The following C14orf93 variants were observed in gnomAD, a reference collection of about 807,000 sequenced individuals.
The protein encoded by C14orf93 is chromosome 14 open reading frame 93, also known as uncharacterized protein C14orf93.
In C14orf93, 23 loss-of-function variants were observed where a neutral mutation model predicts 44.0. The ratio of observed to expected loss-of-function variants is 0.52; its 90% CI spans 0.38 to 0.74. The LOEUF is 0.74. C14orf93 is among the 30% of genes least tolerant of loss of function. The probability of loss-of-function intolerance (pLI) is 0.00; values close to 1 mark genes in which losing one functional copy is unlikely to be tolerated. For synonymous variants in C14orf93, 253 were observed against 265.7 expected (o/e 0.95, Z 0.46); for missense variants, 579 against 678.9 (o/e 0.85, Z 1.64).
chr14:22,992,187 T>G (rs1051078401), intron 3 of C14orf93, among the ~76,000 whole-genome samples: 9 of 151,754 alleles, frequency 5.9e-5, no homozygotes, highest in African/African-American at 2.2e-4. Flanking sequence ...TTTTGCCGGC[T>G]GGGCGTGGTG....
In C14orf93 at chr14:22,987,813, C is replaced by T; in HGVS notation, c.1197+90G>A. 2.4e-6 allele frequency: 3 copies of T among 1,269,648 alleles called. No homozygotes were observed. The highest frequency in any genetic ancestry group is 3.3e-6 in the Non-Finnish European group (3 of 895,592). The allele number at this position is 1,269,648 out of a possible 1,614,324, so 78.6% of individuals were successfully genotyped here. A position where few individuals can be genotyped will look rare whatever the true frequency, so the allele number is the denominator to read the frequency against. The stretch of plus-strand genomic sequence containing the variant: ...ATCTTCCTACATTCCTGGCTCTCAA[C>T]CCTATTCTCATATGCCATGTCCTCT... On this transcript the variant is annotated intron_variant, in intron 6 of 6. Transcript: ENST00000299088. The surrounding 1 kb of genome is among the most constrained non-coding windows in gnomAD (Gnocchi z 5.6).
intron 2 of C14orf93, chr14:22,998,007 C>T (rs1566684525): frequency 6.0e-6 from 1 of 166,020 alleles, no homozygotes; most frequent in Non-Finnish European, 1.3e-5. Flanking sequence ...CCACCTCTGC[C>T]TCTCTCCCCT....
intron 1 of C14orf93, among the ~76,000 whole-genome samples, chr14:23,002,475 G>A (rs2046363379): frequency 1.3e-5 from 2 of 151,410 alleles, no homozygotes; most frequent in African/African-American, 2.4e-5. Context: ...AAAAAATGAG[G>A]TTCTCCTCTG....
Position 22,987,526 on chromosome 14 carries a change from C to G in C14orf93, c.1306G>C (p.Glu436Gln). ...LMSDEEDSLN[E>Q]PGVWVARPPR... Reference sequence around the variant, plus strand: ...GGGCGGGCCACCCACACACCTGGCTCGTTAAGACTGTCCTCTTCATCTGAC... The same window carrying G: ...GGGCGGGCCACCCACACACCTGGCTGGTTAAGACTGTCCTCTTCATCTGAC... Residue 436 changes from glutamate (E) to glutamine (Q), a missense_variant, in exon 7 of 7, where the codon GAG becomes CAG. By Grantham distance (29) the Glu-to-Gln change is conservative. Transcript: ENST00000299088. This position sits in a 1 kb window ranked among gnomAD's most constrained non-coding sequence, Gnocchi z 5.6. The G allele has an allele frequency of 2.5e-6, 4 of 1,614,230 alleles. No homozygotes were observed. The highest frequency in any genetic ancestry group is 3.4e-6 in the Non-Finnish European group (4 of 1,180,038).
Position 22,998,632 on chromosome 14 carries a change from G to A in C14orf93, c.392C>T (p.Pro131Leu). ...AGACAGAGCCTTAAAGGCTTCCCCG[G>A]GACTTTCCTTGAGAGGCCCAGGCTC... ...PEEPGPLKES[P>L]GEAFKALSAV... The change falls in exon 2 of 7, where the codon CCC (proline) becomes CTC (leucine). Residue 131 changes from proline (P) to leucine (L), a missense_variant. Pro to Leu is a moderately conservative substitution (Grantham distance 98, BLOSUM62 -3). Transcript: ENST00000299088. The A allele has an allele frequency of 6.2e-7, 1 of 1,613,918 alleles. No homozygotes were observed. The highest frequency in any genetic ancestry group is 8.5e-7 in the Non-Finnish European group (1 of 1,179,802).
intron 1 of C14orf93, among the ~76,000 whole-genome samples, chr14:23,008,936 G>A (rs1566705532): frequency 6.6e-6 from 1 of 152,214 alleles, no homozygotes; most frequent in African/African-American, 2.4e-5. Context: ...TTTGCCAGCT[G>A]TGGAGCTTTT....
In C14orf93 at chr14:22,987,239, T is replaced by C; in HGVS notation, c.1593A>G (p.Glu531=). 6.2e-7 allele frequency: 1 copy of C among 1,613,060 alleles called. No homozygotes were observed. Among genetic ancestry groups the C allele is most frequent in the Non-Finnish European group, 8.5e-7 (1 of 1,179,092 alleles). The change falls in exon 7 of 7, where the codon GAA becomes GAG. Residue 531 remains glutamate (E), a synonymous_variant. Transcript: ENST00000299088. The surrounding 1 kb of genome is among the most constrained non-coding windows in gnomAD (Gnocchi z 5.6). ...TCCPDLNSFI[E]IKVEKDE Reference sequence around the variant, plus strand: ...TTTATTCATCCTTTTCCACCTTGATTTCAATGAATGAGTTCAAGTCAGGAC... The same window carrying C: ...TTTATTCATCCTTTTCCACCTTGATCTCAATGAATGAGTTCAAGTCAGGAC...
chr14:23,007,130 G>T (rs980681796), intron 1 of C14orf93: 3 of 152,242 alleles, frequency 2.0e-5, no homozygotes, highest in African/African-American at 4.8e-5. Flanking sequence ...AACTATCCGC[G>T]GCGCCTGCCC....
In C14orf93 at chr14:22,989,855, A is replaced by G; in HGVS notation, c.981-10T>C. 1.2e-6 allele frequency: 2 copies of G among 1,608,296 alleles called. No homozygotes were observed. The highest frequency in any genetic ancestry group is 1.7e-6 in the Non-Finnish European group (2 of 1,174,912). On this transcript the variant is annotated splice_polypyrimidine_tract_variant and intron_variant, in intron 4 of 6. Transcript: ENST00000299088. ...CCAAGAGGACTTGATGCTGCCACAAAGAGAAGAGAATGAATAAAGTTGTCG... is the reference window on the plus strand; with the variant it reads ...CCAAGAGGACTTGATGCTGCCACAAGGAGAAGAGAATGAATAAAGTTGTCG...
At chr14:22,997,223 G>A (rs2046036048) in intron 2 of C14orf93, among the ~76,000 whole-genome samples, 1 of 152,152 alleles carries the variant, frequency 6.6e-6, no homozygotes, top group Non-Finnish European at 1.5e-5. Flanking sequence ...CCACAGACTG[G>A]GGTGAGCAGC....
chr14:22,989,867 G>C, intron 4 of C14orf93, 22 bp from the exon 5 acceptor site: 1 of 1,598,506 alleles, frequency 6.3e-7, no homozygotes, highest in Non-Finnish European at 8.6e-7. Flanking sequence ...AGAAGAGAAT[G>C]AATAAAGTTG....
chr14:22,998,518 G>A lies in C14orf93; in HGVS notation c.506C>T (p.Pro169Leu). Residue 169 changes from proline to leucine, a missense_variant, in exon 2 of 7, where the codon CCT becomes CTT. Pro to Leu is a moderately conservative substitution (Grantham distance 98, BLOSUM62 -3). Transcript: ENST00000299088. ...AGTTGCTGGGAAGCCCAAAGGCCCA[G>A]GCCCCACTGAGGCTGCTCCCAGCTG... ...LRQLGAASVG[P>L]GPLGFPATQR... The A allele has an allele frequency of 6.2e-7, 1 of 1,613,496 alleles. No homozygotes were observed. The highest frequency in any genetic ancestry group is 8.5e-7 in the Non-Finnish European group (1 of 1,179,894).
chr14:22,999,026 C>A lies in C14orf93; in HGVS notation c.-3G>T. 1 of 1,603,466 alleles carries A rather than the reference C, an allele frequency of 6.2e-7. No individual in the cohort carries two copies. Among genetic ancestry groups the A allele is most frequent in the South Asian group, 1.1e-5 (1 of 89,894 alleles). On this transcript the variant is annotated 5_prime_UTR_variant, in exon 2 of 7. Transcript: ENST00000299088. ...AGAATGGTGGCACTGAAGGACATGG[C>A]GGATGGGGCAGTAACAACCACGCTT... is the stretch of plus-strand genomic sequence containing the variant.
At position 22,999,134 on chromosome 14, in the gene C14orf93, G is replaced by C; in HGVS notation, c.-111C>G. The C allele has an allele frequency of 6.8e-7, 1 of 1,477,530 alleles. No homozygotes were observed. Among genetic ancestry groups the C allele is most frequent in the East Asian group, 2.3e-5 (1 of 43,766 alleles). The allele number at this position is 1,477,530 out of a possible 1,614,324, so 91.5% of individuals were successfully genotyped here. ...TTTCTCAATGAGGATGGTCAGAGGA[G>C]CCCAGGCCCCAAGCTGTAGGGTCTG... On this transcript the variant is annotated 5_prime_UTR_variant, in exon 2 of 7. Coordinates refer to ENST00000299088, the MANE Select transcript of C14orf93 (RefSeq NM_021944.4).
intron 1 of C14orf93, chr14:23,002,655 G>A (rs2046372195): frequency 6.6e-6 from 1 of 152,080 alleles, no homozygotes; most frequent in Non-Finnish European, 1.5e-5. Flanking sequence ...GTAACGGCTG[G>A]ATGATATTAT....
intron 3 of C14orf93, among the ~76,000 whole-genome samples, chr14:22,994,532 C>G (rs1381520350): frequency 6.6e-6 from 1 of 150,650 alleles, no homozygotes; most frequent in African/African-American, 2.4e-5. Flanking sequence ...CAGAAAAAAG[C>G]TTTTGTGAGA....
Position 22,998,788 on chromosome 14 carries a change from GCAGCTTCAGCCAAACCCA to G in C14orf93, c.218_235del (p.Val73_Ala78del). On this transcript the variant is annotated inframe_deletion, in exon 2 of 7. Transcript: ENST00000299088. Reference sequence around the variant, plus strand: ...ATTGTTGGCCCTGGCAAGACCCAGAGCAGCTTCAGCCAAACCCACTGCCTTATCGACCCGCTGGTAGAT... The same window carrying G: ...ATTGTTGGCCCTGGCAAGACCCAGAGCTGCCTTATCGACCCGCTGGTAGAT... 1 of 1,614,182 alleles carries G rather than the reference GCAGCTTCAGCCAAACCCA, an allele frequency of 6.2e-7. No homozygotes were observed. The highest frequency in any genetic ancestry group is 8.5e-7 in the Non-Finnish European group (1 of 1,180,046).
rs1381645271 is a variant in C14orf93 at position 22,989,777 on chromosome 14, G to A, written c.1049C>T (p.Thr350Ile). Residue 350 changes from threonine (T) to isoleucine (I), a missense_variant, in exon 5 of 7, where the codon ACC becomes ATC. Transcript: ENST00000299088. ...LLEKLKQELV[T>I]SPHNYTDKEL... ...CTTATCAGTGTAATTGTGGGGACTG[G>A]TCACCAGCTCTTGCTTGAGCTTTTC... The A allele has an allele frequency of 1.2e-6, 2 of 1,614,068 alleles. No homozygotes were observed. Among genetic ancestry groups the A allele is most frequent in the Admixed American group, 1.7e-5 (1 of 60,018 alleles).
intron 1 of C14orf93, among the ~76,000 whole-genome samples, chr14:23,001,857 A>T (rs974668413): frequency 9.4e-5 from 14 of 149,006 alleles, no homozygotes; most frequent in Non-Finnish European, 1.8e-4. Context: ...AAAAAAAAAA[A>T]AAAAAAAAAA....
Sources: gnomAD v4.1 joint callset for allele counts (sites outside exome capture counted in the v4.1 genomes callset) on GRCh38, gnomAD v4.1.1 for gene constraint, Gnocchi (gnomAD v3.1) non-coding constraint, MANE v1.5 for transcripts, NCBI Gene and HGNC (gene_info 2026-07-23, HGNC 2026-07-21) for gene names.